MRPL4: variants seen among roughly 807,000 people sequenced by gnomAD.
MRPL4 encodes the protein large ribosomal subunit protein uL4m.
Under a neutral mutation model 34.1 loss-of-function variants are expected in MRPL4, and 34 were observed. That is an observed-to-expected ratio of 1.00 (90% CI 0.76 to 1.33). The LOEUF is 1.33. Among genes scored for constraint, MRPL4 ranks in the 40% most tolerant of loss-of-function variants. The pLI is 0.00. For missense variants in MRPL4, 402 were observed against 434.6 expected (o/e 0.92, Z 0.67); for synonymous variants, 196 against 188.3 (o/e 1.04, Z -0.33).
At chr19:10,252,188 C>T (rs1024488546), upstream of MRPL4, 215 of 1,487,132 alleles carry the variant, frequency 1.4e-4, no homozygotes, top group African/African-American at 4.2e-4. Context: ...TGCGTGACGT[C>T]ATCCAGCGGC....
chr19:10,259,939 G>A lies in MRPL4; in HGVS notation c.*126G>A. 1 of 858,586 alleles carries A rather than the reference G, an allele frequency of 1.2e-6. No homozygotes were observed. Among genetic ancestry groups the A allele is most frequent in the African/African-American group, 1.7e-5 (1 of 57,804 alleles). The allele number at this position is 858,586 out of a possible 1,614,324, so 53.2% of individuals were successfully genotyped here. On this transcript the variant is annotated 3_prime_UTR_variant, in exon 9 of 9. Coordinates refer to ENST00000253099, the MANE Select transcript of MRPL4 (RefSeq NM_015956.3). ...TCCACGGAGGAAGCTGAGGCCACAG[G>A]GAGCGGCCATCGCCATTGGGAAGGG...
intron 3 of MRPL4, 98 bp downstream of exon 3, chr19:10,252,799 C>G (rs909101934): frequency 1.1e-5 from 16 of 1,462,176 alleles, no homozygotes; most frequent in African/African-American, 1.4e-5. Flanking sequence ...TGGGAAAGTG[C>G]TGTATTTCTA....
At chr19:10,258,189 C>A in intron 5 of MRPL4, 33 bp from the exon 6 acceptor site, 1 of 1,498,582 alleles carries the variant, frequency 6.7e-7, no homozygotes, top group Non-Finnish European at 9.3e-7. Flanking sequence ...TCTGCAGTGG[C>A]CCCTACCTGC....
chr19:10,254,666 G>T (rs1447505273), intron 4 of MRPL4, 26 bp downstream of exon 4: 1 of 1,613,510 alleles, frequency 6.2e-7, no homozygotes, highest in African/African-American at 1.3e-5. Context: ...GAGCAAGGTG[G>T]TGGGAAGGAG....
upstream of MRPL4, chr19:10,252,065 G>A (rs2039793894): frequency 1.6e-6 from 1 of 631,016 alleles, no homozygotes; most frequent in Admixed American, 3.4e-5. Flanking sequence ...AATTGGGTCT[G>A]GGGGTTAGTC....
At chr19:10,254,521 T>C in intron 3 of MRPL4, 68 bp from the exon 4 acceptor site, 4 of 1,581,432 alleles carry the variant, frequency 2.5e-6, no homozygotes, top group Non-Finnish European at 3.5e-6. Flanking sequence ...GAATCCTGGG[T>C]TTTCCTATAG....
At position 10,258,648 on chromosome 19, in the gene MRPL4, C is replaced by G; in HGVS notation, c.702C>G (p.Thr234=). 3 of 1,614,170 alleles carry G rather than the reference C, an allele frequency of 1.9e-6. No homozygotes were observed. Among genetic ancestry groups the G allele is most frequent in the Non-Finnish European group, 2.5e-6 (3 of 1,180,036 alleles). ...EEMPQSIVEA[T]SRLKTFNLIP... ...TGCCACAGAGCATCGTGGAGGCCACCTCTAGGCTTAAGACCTTCAACTTGA... is the reference window on the plus strand; with the variant it reads ...TGCCACAGAGCATCGTGGAGGCCACGTCTAGGCTTAAGACCTTCAACTTGA... The change falls in exon 8 of 9, where the codon ACC becomes ACG. Residue 234 remains threonine, a synonymous_variant. Coordinates refer to ENST00000253099, the MANE Select transcript of MRPL4 (RefSeq NM_015956.3).
rs1168013041 is a variant in MRPL4 at position 10,258,684 on chromosome 19, T to C, written c.738T>C (p.Val246=). ...RLKTFNLIPA[V]GLNVHSMLKH... is the part of the protein sequence containing the mutation. ...AGACCTTCAACTTGATCCCGGCTGTTGGTGAGCAAAGAGCCCAGGCCCCTA... is the reference window on the plus strand; with the variant it reads ...AGACCTTCAACTTGATCCCGGCTGTCGGTGAGCAAAGAGCCCAGGCCCCTA... The change falls in exon 8 of 9, where the codon GTT becomes GTC. Residue 246 remains valine (V), a splice_region_variant and synonymous_variant. Transcript: ENST00000253099. 1.9e-6 allele frequency: 3 copies of C among 1,613,962 alleles called. No individual in the cohort carries two copies. The highest frequency in any genetic ancestry group is 2.5e-6 in the Non-Finnish European group (3 of 1,180,026).
chr19:10,258,338 TG>T lies in MRPL4; in HGVS notation c.552+17del, dbSNP rs755008765. ...CGTCAAGCTGGCCCAGGTACAGCCA[TG>T]GGGGGGCCCAGACAGCTGCTAGAGG... On this transcript the variant is annotated intron_variant, in intron 6 of 8. Coordinates refer to ENST00000253099, the MANE Select transcript of MRPL4 (RefSeq NM_015956.3). 1.2e-6 allele frequency: 2 copies of T among 1,613,626 alleles called. No individual in the cohort carries two copies. Among genetic ancestry groups the T allele is most frequent in the Admixed American group, 1.7e-5 (1 of 59,978 alleles).
At chr19:10,252,786 C>T (rs2039807521) in intron 3 of MRPL4, 85 bp downstream of exon 3, 3 of 1,510,094 alleles carry the variant, frequency 2.0e-6, no homozygotes, top group Non-Finnish European at 2.7e-6. Context: ...GGGCTTGTAC[C>T]CTTGGGAAAG....
Position 10,259,393 on chromosome 19 carries a change from G to GCT in MRPL4, c.740-220_740-219dup, listed in dbSNP as rs2039886950. 4 of 1,403,974 alleles carry GCT rather than the reference G, an allele frequency of 2.8e-6. No individual in the cohort carries two copies. The Admixed American group carries it at 9.6e-5, about 34-fold the overall frequency. The allele number at this position is 1,403,974 out of a possible 1,614,324, so 87.0% of individuals were successfully genotyped here. Reference sequence around the variant, plus strand: ...CCAGCCAGGCACAGGACCGAGCCTGGCTCTCGGTCAGCAGGTGATGAGCTG... The same window carrying GCT: ...CCAGCCAGGCACAGGACCGAGCCTGGCTCTCTCGGTCAGCAGGTGATGAGCTG... On this transcript the variant is annotated intron_variant, in intron 8 of 8. Coordinates refer to ENST00000253099, the MANE Select transcript of MRPL4 (RefSeq NM_015956.3).
chr19:10,259,489 CTCACAAAG>C (rs2039888617), intron 8 of MRPL4, 120 bp from the exon 9 acceptor site: 1 of 1,464,038 alleles, frequency 6.8e-7, no homozygotes. Flanking sequence ...GGCTGCTGGG[CTCACAAAG>C]TCACACTAGA....
At chr19:10,256,490 C>T (rs1052723512) in intron 4 of MRPL4, among the ~76,000 whole-genome samples, 4 of 152,092 alleles carry the variant, frequency 2.6e-5, no homozygotes, top group Non-Finnish European at 5.9e-5. Flanking sequence ...GCACCCCCTG[C>T]GTGCCCGGTG....
At chr19:10,253,451 C>T in intron 3 of MRPL4, among the ~76,000 whole-genome samples, 1 of 135,120 alleles carries the variant, frequency 7.4e-6, no homozygotes, top group East Asian at 2.2e-4. Flanking sequence ...TGCACTCCAT[C>T]CTGGGCAACA....
Position 10,258,259 on chromosome 19 carries a change from C to A in MRPL4, c.483C>A (p.Tyr161Ter). 6.2e-7 allele frequency: 1 copy of A among 1,614,152 alleles called. No homozygotes were observed. The highest frequency in any genetic ancestry group is 8.5e-7 in the Non-Finnish European group (1 of 1,180,022). ...ATGGCCCCCGGGGCCCCACAAGTTACTACTACATGCTGCCCATGAAGGTGC... is the reference window on the plus strand; with the variant it reads ...ATGGCCCCCGGGGCCCCACAAGTTAATACTACATGCTGCCCATGAAGGTGC... ...VAHGPRGPTS[Y>*]YYMLPMKVRA... The change falls in exon 6 of 9, where the codon TAC becomes TAA. Residue 161 changes from tyrosine (Y) to a stop codon, truncating the protein, a stop_gained. Coordinates refer to ENST00000253099, the MANE Select transcript of MRPL4 (RefSeq NM_015956.3). LOFTEE classifies it high-confidence loss of function.
intron 4 of MRPL4, 87 bp downstream of exon 4, chr19:10,254,727 T>C: frequency 7.1e-7 from 1 of 1,409,722 alleles, no homozygotes; most frequent in Non-Finnish European, 1.0e-6. Flanking sequence ...TCGCTGGGTT[T>C]TCTCTGGACT....
intron 7 of MRPL4, 43 bp downstream of exon 7, chr19:10,258,565 C>T (rs372490495): frequency 5.1e-5 from 83 of 1,614,000 alleles, no homozygotes; most frequent in South Asian, 8.8e-5. Context: ...CCCTGAGCTC[C>T]GTACTCTGAG....
rs2039853953 is a variant in MRPL4 at position 10,256,641 on chromosome 19, G to T, written c.328-67G>T. The stretch of plus-strand genomic sequence containing the variant: ...CTCCTGTCTGACTTCCCCGTGGCAG[G>T]ACTGATCTGCCCGGCTCCCTGACAC... On this transcript the variant is annotated intron_variant, in intron 4 of 8. Transcript: ENST00000253099. 6 of 1,374,608 alleles carry T rather than the reference G, an allele frequency of 4.4e-6. No homozygotes were observed. In the Admixed American group the frequency reaches 5.3e-5, roughly 12 times the overall value. The allele number at this position is 1,374,608 out of a possible 1,614,324, so 85.2% of individuals were successfully genotyped here.
chr19:10,256,550 C>A (rs1388430181), intron 4 of MRPL4, among the ~76,000 whole-genome samples, 158 bp from the exon 5 acceptor site: 1 of 152,152 alleles, frequency 6.6e-6, no homozygotes, highest in East Asian at 1.9e-4. Context: ...GCTGTGACTT[C>A]TTTACCCTCC....
Sources: allele counts gnomAD v4.1 joint callset (sites outside exome capture counted in the v4.1 genomes callset), GRCh38; gene constraint gnomAD v4.1.1; transcripts MANE v1.5; gene names NCBI Gene and HGNC (gene_info 2026-07-23, HGNC 2026-07-21).